The following SCGN variants were observed in gnomAD, a reference collection of about 807,000 sequenced individuals.
The protein encoded by SCGN is secretagogin, EF-hand calcium binding protein.
A neutral mutation model predicts 39.7 loss-of-function variants in SCGN; 30 were observed. That is an observed-to-expected ratio of 0.76 (90% CI 0.57 to 1.03). The LOEUF is 1.03. Among genes scored for constraint, SCGN ranks in the 50% least tolerant of loss-of-function variants. SCGN has a pLI of 0.00. For synonymous variants in SCGN, 106 were observed against 114.1 expected (o/e 0.93, Z 0.45); for missense variants, 353 against 349.4 (o/e 1.01, Z -0.08).
chr6:25,691,985 T>C (rs1362984276), intron 10 of SCGN, among the ~76,000 whole-genome samples: 1 of 152,228 alleles, frequency 6.6e-6, no homozygotes, highest in Non-Finnish European at 1.5e-5. Flanking sequence ...TGTACTGCAA[T>C]AGAGCAGGCA....
intron 10 of SCGN, 118 bp downstream of exon 10, chr6:25,691,242 G>C (rs1759770368): frequency 2.7e-6 from 2 of 737,992 alleles, no homozygotes; most frequent in African/African-American, 3.5e-5. Flanking sequence ...TAGGGATGTA[G>C]TTTATTTAAT....
At chr6:25,659,814 G>A (rs1288987408) in intron 2 of SCGN, among the ~76,000 whole-genome samples, 1 of 152,128 alleles carries the variant, frequency 6.6e-6, no homozygotes, top group African/African-American at 2.4e-5. Flanking sequence ...AGGACGTTTT[G>A]TTCTAGGAAG....
intron 10 of SCGN, among the ~76,000 whole-genome samples, chr6:25,696,963 T>TTTTG (rs1253838498): frequency 2.0e-5 from 3 of 152,256 alleles, no homozygotes; most frequent in African/African-American, 7.2e-5. Context: ...AAAGAATGTT[T>TTTTG]TTTGTTAGAT....
rs762434013 is a variant in SCGN, at chr6:25,653,408, C to A, written c.109C>A (p.Leu37Ile). ...AAAAGGTTACATAGAAGAGAAGGAA[C>A]TCGATGCTTTCTTTCTCCACATGTT... ...DEKGYIEEKE[L>I]DAFFLHMLMK... The change falls in exon 2 of 11, where the codon CTC becomes ATC. Residue 37 changes from leucine to isoleucine, a missense_variant. Leu to Ile is a conservative substitution (Grantham distance 5). Transcript: ENST00000377961. The A allele has an allele frequency of 6.2e-7, 1 of 1,612,628 alleles. No individual in the cohort carries two copies. Among genetic ancestry groups the A allele is most frequent in the African/African-American group, 1.3e-5 (1 of 74,996 alleles).
At chr6:25,692,648 T>C (rs1759787151) in intron 10 of SCGN, among the ~76,000 whole-genome samples, 1 of 152,242 alleles carries the variant, frequency 6.6e-6, no homozygotes, top group Non-Finnish European at 1.5e-5. Flanking sequence ...AGGTGTCATT[T>C]GTTGCTGACA....
chr6:25,671,398 C>A (rs1286454970), intron 6 of SCGN, among the ~76,000 whole-genome samples: 1 of 152,034 alleles, frequency 6.6e-6, no homozygotes, highest in Non-Finnish European at 1.5e-5. Flanking sequence ...TCTGCTTTCC[C>A]TCTGTACTCT....
At chr6:25,660,435 T>C (rs1394284633) in intron 2 of SCGN, among the ~76,000 whole-genome samples, 2 of 152,196 alleles carry the variant, frequency 1.3e-5, no homozygotes, top group African/African-American at 2.4e-5. Context: ...GTTTGGCACA[T>C]GGTAGGTGCT....
At chr6:25,697,724 G>C (rs1759855946) in intron 10 of SCGN, among the ~76,000 whole-genome samples, 1 of 152,196 alleles carries the variant, frequency 6.6e-6, no homozygotes, top group African/African-American at 2.4e-5. Flanking sequence ...CAAGATTAAA[G>C]GGAGACAGGT....
At chr6:25,666,587 TAGG>T (rs1437666778) in intron 4 of SCGN, among the ~76,000 whole-genome samples, 4 of 152,222 alleles carry the variant, frequency 2.6e-5, no homozygotes, top group Non-Finnish European at 5.9e-5. Context: ...GGCACTGTTC[TAGG>T]TGCTGCAGAT....
intron 6 of SCGN, among the ~76,000 whole-genome samples, chr6:25,672,212 A>G (rs1456053842): frequency 1.3e-5 from 2 of 152,250 alleles, no homozygotes; most frequent in Non-Finnish European, 2.9e-5. Context: ...TAGCCTCTTA[A>G]TAATTTAATT....
chr6:25,660,009 G>C (rs148153882), intron 2 of SCGN, among the ~76,000 whole-genome samples: 1 of 152,264 alleles, frequency 6.6e-6, no homozygotes, highest in African/African-American at 2.4e-5. Context: ...TTCCATGTAA[G>C]AAGCTGGAGC....
chr6:25,695,654 T>G (rs1759828481), intron 10 of SCGN, among the ~76,000 whole-genome samples: 1 of 152,116 alleles, frequency 6.6e-6, no homozygotes, highest in Non-Finnish European at 1.5e-5. Flanking sequence ...CTCAGCCTCC[T>G]GAGTAGCTGG....
intron 10 of SCGN, among the ~76,000 whole-genome samples, chr6:25,698,952 G>A (rs997738920): frequency 6.6e-5 from 10 of 152,176 alleles, no homozygotes; most frequent in Admixed American, 4.6e-4. Flanking sequence ...TTACCCCATT[G>A]GACAGTGCAA....
At chr6:25,658,246 A>G (rs893980313) in intron 2 of SCGN, among the ~76,000 whole-genome samples, 1 of 151,304 alleles carries the variant, frequency 6.6e-6, no homozygotes, top group Admixed American at 6.6e-5. Flanking sequence ...TCACCATGTT[A>G]GCCAGCATGG....
intron 2 of SCGN, among the ~76,000 whole-genome samples, chr6:25,657,693 ATGTG>A (rs889530202): frequency 3.8e-4 from 57 of 148,936 alleles, no homozygotes; most frequent in African/African-American, 1.3e-3. Flanking sequence ...GTATATATAT[ATGTG>A]TATGTGTGTG....
intron 6 of SCGN, among the ~76,000 whole-genome samples, chr6:25,673,410 A>G (rs1759525600): frequency 6.6e-6 from 1 of 152,234 alleles, no homozygotes; most frequent in South Asian, 2.1e-4. Flanking sequence ...CTAGTTGCCC[A>G]GAGTTCTTCC....
chr6:25,698,156 T>C (rs1342692132), intron 10 of SCGN, among the ~76,000 whole-genome samples: 1 of 152,224 alleles, frequency 6.6e-6, no homozygotes, highest in East Asian at 1.9e-4. Context: ...AGCTGTGGCA[T>C]TTAGGTCTCC....
chr6:25,678,878 C>T (rs1759600268), intron 6 of SCGN: 2 of 154,856 alleles, frequency 1.3e-5, no homozygotes, highest in African/African-American at 2.4e-5. Context: ...CCTTGTCTTC[C>T]TTGGCTGTCC....
intron 9 of SCGN, among the ~76,000 whole-genome samples, chr6:25,690,413 G>T (rs977942360): frequency 4.6e-5 from 7 of 152,072 alleles, no homozygotes; most frequent in Non-Finnish European, 8.8e-5. Context: ...CTAAGGGAAT[G>T]GAATTTTTAA....
Sources: allele counts gnomAD v4.1 joint callset (sites outside exome capture counted in the v4.1 genomes callset), GRCh38; gene constraint gnomAD v4.1.1; transcripts MANE v1.5; gene names NCBI Gene and HGNC (gene_info 2026-07-23, HGNC 2026-07-21).